The following MAN1A2 variants were observed in gnomAD, a reference collection of about 807,000 sequenced individuals.
MAN1A2 encodes mannosyl-oligosaccharide 1,2-alpha-mannosidase IB.
A neutral mutation model predicts 75.7 loss-of-function variants in MAN1A2; 26 were observed. The observed-to-expected ratio is 0.34, with a 90% CI of 0.25 to 0.48. MAN1A2 has a LOEUF of 0.48. MAN1A2 is among the 20% of genes least tolerant of loss of function. The pLI is 0.99. For missense variants in MAN1A2, 562 were observed against 775.5 expected, an observed-to-expected ratio of 0.72 and a Z score of 3.27; for synonymous variants, 247 against 264.6, an observed-to-expected ratio of 0.93 and a Z score of 0.65.
chr1:117,410,099 G>T (rs1274430727), intron 3 of MAN1A2, among the ~76,000 whole-genome samples: 1 of 151,860 alleles, frequency 6.6e-6, no homozygotes, highest in Non-Finnish European at 1.5e-5. Context: ...GTTATACTGT[G>T]TCTTAAAATT....
rs1033101820 is a variant in MAN1A2 at position 117,522,370 on chromosome 1, C to A, written c.1794-455C>A. Among the ~76,000 whole-genome samples, 3 of 151,824 alleles carry A rather than the reference C, an allele frequency of 2.0e-5. No individual in the cohort carries two copies. The Admixed American group carries it at 2.0e-4, about 10-fold the overall frequency. On this transcript the variant is annotated intron_variant, in intron 12 of 12. Transcript: ENST00000356554. ...AAAATCAATGAACTAAAATAGACCA[C>A]CTCAGTAGACAGAAAAATTATTTGG...
chr1:117,455,063 ATG>A (rs1649536400), intron 6 of MAN1A2, among the ~76,000 whole-genome samples: 1 of 152,162 alleles, frequency 6.6e-6, no homozygotes, highest in Non-Finnish European at 1.5e-5. Flanking sequence ...AGGATGTAAA[ATG>A]GTAGAGACAC....
chr1:117,434,880 A>G (rs1315026846), intron 5 of MAN1A2, among the ~76,000 whole-genome samples: 1 of 151,892 alleles, frequency 6.6e-6, no homozygotes, highest in African/African-American at 2.4e-5. Context: ...GAGATGAGAG[A>G]TATAAATGAT....
intron 12 of MAN1A2, among the ~76,000 whole-genome samples, chr1:117,506,624 T>A (rs1651381752): frequency 6.6e-6 from 1 of 151,664 alleles, no homozygotes; most frequent in African/African-American, 2.4e-5. Flanking sequence ...CAACAAATTT[T>A]AAATACATTA....
chr1:117,523,647 TTTC>T lies in MAN1A2; in HGVS notation c.*696_*698del, dbSNP rs1433767331. 6.1e-6 allele frequency: 1 copy of T among 163,252 alleles called. No homozygotes were observed. Among genetic ancestry groups the T allele is most frequent in the African/African-American group, 2.4e-5 (1 of 41,474 alleles). The allele number at this position is 163,252 out of a possible 1,614,324, so 10.1% of individuals were successfully genotyped here. ...ATCTCACAAAGAATACTCAAGTCTT[TTTC>T]TTCTTATGGAATCATCGAAACTGCT... On this transcript the variant is annotated 3_prime_UTR_variant, in exon 13 of 13. Coordinates refer to ENST00000356554, the MANE Select transcript of MAN1A2 (RefSeq NM_006699.5).
rs79354375 is a variant in MAN1A2 at position 117,396,302 on chromosome 1, A to G, written c.303-5884A>G. ...ATAATAAACAAGCACACTTCTATCA[A>G]CTATGACACATTACCTCCCAGAAGC... On this transcript the variant is annotated intron_variant, in intron 1 of 12. Transcript: ENST00000356554. Among the ~76,000 whole-genome samples the G allele has an allele frequency of 3.0e-3, 457 of 152,298 alleles. 3 individuals carry two copies. Among genetic ancestry groups the G allele is most frequent in the African/African-American group, 0.01 (429 of 41,566 alleles).
intron 1 of MAN1A2, among the ~76,000 whole-genome samples, chr1:117,370,154 T>G (rs1001282607): frequency 6.6e-6 from 1 of 152,224 alleles, no homozygotes; most frequent in Non-Finnish European, 1.5e-5. Flanking sequence ...AAACAAGAAT[T>G]CTTAAATTTA....
At chr1:117,378,813 T>C (rs1483307898) in intron 1 of MAN1A2, among the ~76,000 whole-genome samples, 2 of 152,174 alleles carry the variant, frequency 1.3e-5, no homozygotes, top group African/African-American at 4.8e-5. Context: ...AACATATTTA[T>C]TGACTATTTG....
At chr1:117,443,050 T>A (rs1200903029) in intron 6 of MAN1A2, among the ~76,000 whole-genome samples, 1 of 152,206 alleles carries the variant, frequency 6.6e-6, no homozygotes, top group Non-Finnish European at 1.5e-5. Context: ...GTGCTCATTT[T>A]TTCTCCTAGT....
chr1:117,435,033 TAAAG>T (rs1648804955), intron 5 of MAN1A2, among the ~76,000 whole-genome samples: 1 of 152,022 alleles, frequency 6.6e-6, no homozygotes, highest in African/African-American at 2.4e-5. Context: ...ATCAAATGCT[TAAAG>T]AATACTAGAT....
chr1:117,460,065 TA>T (rs148646990), intron 6 of MAN1A2, among the ~76,000 whole-genome samples: 17,949 of 132,094 alleles, frequency 0.14, 1,080 homozygotes, highest in Non-Finnish European at 0.15. Flanking sequence ...CGTACAACTG[TA>T]AAAAAAAAAA....
At chr1:117,511,554 T>C (rs958604666) in intron 12 of MAN1A2, among the ~76,000 whole-genome samples, 21 of 152,032 alleles carry the variant, frequency 1.4e-4, no homozygotes, top group Non-Finnish European at 1.6e-4. Flanking sequence ...TTTTAACTAC[T>C]ATGATCTCCC....
chr1:117,451,822 A>G (rs1461415331), intron 6 of MAN1A2, among the ~76,000 whole-genome samples: 1 of 152,120 alleles, frequency 6.6e-6, no homozygotes, highest in Non-Finnish European at 1.5e-5. Context: ...TGTCTTTATC[A>G]GCAGTGTGAA....
intron 11 of MAN1A2, among the ~76,000 whole-genome samples, chr1:117,501,047 A>G (rs1174305040): frequency 6.6e-6 from 1 of 151,784 alleles, no homozygotes; most frequent in Admixed American, 6.6e-5. Context: ...ACTTTTTGTC[A>G]TTGAGGAATA....
At chr1:117,388,283 G>A (rs946966572) in intron 1 of MAN1A2, among the ~76,000 whole-genome samples, 1 of 152,130 alleles carries the variant, frequency 6.6e-6, no homozygotes, top group African/African-American at 2.4e-5. Context: ...ATAACAAGGA[G>A]TGATGGCTAT....
At chr1:117,393,096 A>G (rs765090648) in intron 1 of MAN1A2, among the ~76,000 whole-genome samples, 2 of 152,176 alleles carry the variant, frequency 1.3e-5, no homozygotes, top group Non-Finnish European at 2.9e-5. Context: ...TACACTGGAA[A>G]CTATGTGATT....
chr1:117,464,754 C>T (rs1649932667), intron 7 of MAN1A2, among the ~76,000 whole-genome samples: 1 of 152,090 alleles, frequency 6.6e-6, no homozygotes, highest in South Asian at 2.1e-4. Flanking sequence ...GAATGAATGA[C>T]AGATTCACTA....
chr1:117,461,940 A>G (rs1460872098), intron 7 of MAN1A2, among the ~76,000 whole-genome samples: 1 of 152,178 alleles, frequency 6.6e-6, no homozygotes, highest in East Asian at 1.9e-4. Flanking sequence ...CACTGGCTGG[A>G]TTTACATTGC....
At chr1:117,445,852 G>GTC (rs1557953775) in intron 6 of MAN1A2, among the ~76,000 whole-genome samples, 2 of 88,836 alleles carry the variant, frequency 2.3e-5, no homozygotes, top group Admixed American at 1.1e-4. Context: ...GTGTGTGTGT[G>GTC]TGTGTGTATG....
Sources: allele counts gnomAD v4.1 joint callset (sites outside exome capture counted in the v4.1 genomes callset), GRCh38; gene constraint gnomAD v4.1.1; transcripts MANE v1.5; gene names NCBI Gene and HGNC (gene_info 2026-07-23, HGNC 2026-07-21).